TANC2: variants seen among roughly 807,000 people sequenced by gnomAD.
TANC2 encodes the protein protein TANC2.
Under a neutral mutation model 210.5 loss-of-function variants are expected in TANC2, and 26 were observed. The observed-to-expected ratio is 0.12, with a 90% confidence interval of 0.09 to 0.17. TANC2 has a LOEUF of 0.17. TANC2 is among the 10% of genes least tolerant of loss of function. The pLI is 1.00. For missense variants in TANC2, 2,129 were observed against 2,608.9 expected (o/e 0.82, Z 4.01); for synonymous variants, 931 against 967.1 (o/e 0.96, Z 0.69).
At chr17:63,242,912 A>G (rs1416573525) in intron 8 of TANC2, among the ~76,000 whole-genome samples, 1 of 152,214 alleles carries the variant, frequency 6.6e-6, no homozygotes, top group Non-Finnish European at 1.5e-5. Context: ...CCATTTGTAT[A>G]AAATCCTAGA....
chr17:63,392,407 T>G (rs532005217), intron 17 of TANC2, among the ~76,000 whole-genome samples: 9 of 152,166 alleles, frequency 5.9e-5, no homozygotes, highest in Non-Finnish European at 8.8e-5. Context: ...TCCGTTTTTC[T>G]CAGAACTAGG....
At chr17:63,212,863 A>T (rs879650323) in intron 7 of TANC2, among the ~76,000 whole-genome samples, 3 of 152,248 alleles carry the variant, frequency 2.0e-5, no homozygotes, top group Non-Finnish European at 4.4e-5. Context: ...GACTACTTTC[A>T]TCATTTTTAT....
At chr17:63,234,412 G>A (rs538886889) in intron 7 of TANC2, among the ~76,000 whole-genome samples, 3 of 152,078 alleles carry the variant, frequency 2.0e-5, no homozygotes, top group East Asian at 1.9e-4. Flanking sequence ...TATTTTTAAT[G>A]TAAGTAGTAG....
At chr17:63,067,476 C>G (rs1378873591) in intron 2 of TANC2, among the ~76,000 whole-genome samples, 1 of 151,718 alleles carries the variant, frequency 6.6e-6, no homozygotes, top group Non-Finnish European at 1.5e-5. Context: ...AATCAACACC[C>G]TATTTTTTAT....
intron 13 of TANC2, 43 bp downstream of exon 13, chr17:63,351,459 G>A (rs1339297713): frequency 3.3e-6 from 5 of 1,504,220 alleles, no homozygotes; most frequent in Non-Finnish European, 4.4e-6. Context: ...ATTCCTCTTG[G>A]AAAGAGCTTA....
intron 1 of TANC2, among the ~76,000 whole-genome samples, chr17:62,997,294 A>G (rs995364345): frequency 5.3e-5 from 8 of 152,078 alleles, no homozygotes; most frequent in East Asian, 3.9e-4. Flanking sequence ...TGCACCACCA[A>G]TATTTTCATC....
rs956449097 is a variant in TANC2, at chr17:63,404,116, G to GA, written c.3332-997dup. On this transcript the variant is annotated intron_variant, in intron 19 of 27. Coordinates refer to ENST00000689528, the Ensembl canonical transcript of TANC2. ...TACATCAATTTTTTAAGTCAATTTG[G>GA]AAAAAAAAATCTTTATCCTCTTCCT... Among the ~76,000 whole-genome samples the GA allele has an allele frequency of 1.5e-4, 23 of 151,032 alleles. No individual in the cohort carries two copies. In the South Asian group the frequency reaches 2.9e-3, roughly 19 times the overall value.
In TANC2 at chr17:63,007,839, T is replaced by C. The variant is rs369388573; in HGVS notation, c.-23-1698T>C. On this transcript the variant is annotated intron_variant, in intron 1 of 27. Coordinates refer to ENST00000689528, the Ensembl canonical transcript of TANC2. ...AACATATTTACCCTTCCTATGGCTC[T>C]TCCTTTTTGCATGTATATGCTTTTT... Among the ~76,000 whole-genome samples the C allele has an allele frequency of 4.6e-5, 7 of 152,248 alleles. No homozygotes were observed. In the East Asian group the frequency reaches 5.8e-4, roughly 13 times the overall value.
At chr17:63,224,869 T>TA (rs1336454893) in intron 7 of TANC2, among the ~76,000 whole-genome samples, 1 of 152,242 alleles carries the variant, frequency 6.6e-6, no homozygotes, top group Non-Finnish European at 1.5e-5. Flanking sequence ...TTGTCAGTAC[T>TA]ATGCCCAGGA....
At chr17:63,162,596 G>A (rs1364886244) in intron 5 of TANC2, among the ~76,000 whole-genome samples, 2 of 152,076 alleles carry the variant, frequency 1.3e-5, no homozygotes, top group Non-Finnish European at 2.9e-5. Context: ...GAGATAAAAA[G>A]CAAAAATGAA....
chr17:63,179,993 AG>A (rs1302132821), intron 5 of TANC2, among the ~76,000 whole-genome samples: 1 of 107,528 alleles, frequency 9.3e-6, no homozygotes, highest in Admixed American at 9.6e-5. Context: ...AAAAAAAAAA[AG>A]CCTTGGTGTG....
At chr17:63,264,673 G>A (rs2043470011) in intron 8 of TANC2, among the ~76,000 whole-genome samples, 1 of 152,152 alleles carries the variant, frequency 6.6e-6, no homozygotes, top group Non-Finnish European at 1.5e-5. Flanking sequence ...TTTTATAGTA[G>A]TGTATATGGA....
At chr17:63,355,286 A>G in exon 14 of TANC2, 1 of 1,613,214 alleles carries the variant, frequency 6.2e-7, no homozygotes. Context: ...CCATGTTCCT[A>G]ATCAAGCGCA....
intron 7 of TANC2, among the ~76,000 whole-genome samples, chr17:63,236,118 G>A (rs184012734): frequency 6.6e-6 from 1 of 152,028 alleles, no homozygotes; most frequent in East Asian, 1.9e-4. Context: ...CATATTAGAA[G>A]CAAGGAAATA....
At chr17:63,223,670 A>C (rs2145952498) in intron 7 of TANC2, among the ~76,000 whole-genome samples, 1 of 152,094 alleles carries the variant, frequency 6.6e-6, no homozygotes, top group African/African-American at 2.4e-5. Context: ...ATAGAAGGTA[A>C]CTTTCAGGTC....
intron 2 of TANC2, among the ~76,000 whole-genome samples, chr17:63,027,443 C>T (rs2144088664): frequency 6.6e-6 from 1 of 151,716 alleles, no homozygotes; most frequent in South Asian, 2.1e-4. Flanking sequence ...AATGTTTGTG[C>T]CAAATTAAAA....
intron 9 of TANC2, among the ~76,000 whole-genome samples, chr17:63,312,079 T>G (rs1412165553): frequency 6.6e-6 from 1 of 152,156 alleles, no homozygotes; most frequent in East Asian, 1.9e-4. Context: ...AGAGTGAATT[T>G]TATGGTTTGT....
At chr17:63,357,897 C>G (rs1254914916) in intron 14 of TANC2, among the ~76,000 whole-genome samples, 1 of 152,220 alleles carries the variant, frequency 6.6e-6, no homozygotes, top group Non-Finnish European at 1.5e-5. Flanking sequence ...CTCCTTCTCT[C>G]TAAAGCATCT....
At chr17:63,299,203 T>C (rs1245204568) in intron 9 of TANC2, among the ~76,000 whole-genome samples, 1 of 152,224 alleles carries the variant, frequency 6.6e-6, no homozygotes, top group Non-Finnish European at 1.5e-5. Context: ...TCCATGTCTT[T>C]GCTATTGTAA....
Sources: gnomAD v4.1 joint callset for allele counts (sites outside exome capture counted in the v4.1 genomes callset) on GRCh38, gnomAD v4.1.1 for gene constraint, MANE v1.5 for transcripts, NCBI Gene and HGNC (gene_info 2026-07-23, HGNC 2026-07-21) for gene names.